Variants in PRKCG observed in about 807,000 individuals in gnomAD.
The protein encoded by PRKCG is protein kinase C gamma, also known as protein kinase C gamma type.
PRKCG carries 28 observed loss-of-function variants against 82.0 expected under a neutral mutation model. The ratio of observed to expected loss-of-function variants is 0.34; its 90% CI spans 0.25 to 0.47. The LOEUF (loss-of-function observed/expected upper bound fraction) is 0.47, where lower values mean the gene tolerates loss of function less well. Among genes scored for constraint, PRKCG ranks in the 20% least tolerant of loss-of-function variants. The pLI is 1.00. For synonymous variants in PRKCG, 383 were observed against 376.6 expected, an observed-to-expected ratio of 1.02 and a Z score of -0.20; for missense variants, 640 against 952.7, an observed-to-expected ratio of 0.67 and a Z score of 4.32.
Position 53,892,794 on chromosome 19 carries a change from A to C in PRKCG, c.821+151A>C. ...CACACACACACACGCACACACACGC[A>C]CACACCCCTCTCTCTCTATTCTTCT... On this transcript the variant is annotated intron_variant, in intron 7 of 17. Transcript: ENST00000263431. The surrounding 1 kb of genome is among the most constrained non-coding windows in gnomAD (Gnocchi z 5.9). The C allele has an allele frequency of 8.6e-7, 1 of 1,156,212 alleles. No individual in the cohort carries two copies. Among genetic ancestry groups the C allele is most frequent in the Non-Finnish European group, 1.2e-6 (1 of 814,290 alleles). The allele number at this position is 1,156,212 out of a possible 1,614,324, so 71.6% of individuals were successfully genotyped here.
In PRKCG at chr19:53,889,688, C is replaced by T. The variant is rs747980606; in HGVS notation, c.336C>T (p.Thr112=). ...GCCTGCATAGCTACAGCAGCCCCAC[C>T]TTCTGCGACCACTGTGGCTCCCTCC... is the stretch of plus-strand genomic sequence containing the variant. The part of the protein sequence containing the change: ...KFRLHSYSSP[T]FCDHCGSLLY... The change falls in exon 4 of 18, where the codon ACC becomes ACT. Residue 112 remains threonine (T), a synonymous_variant. Coordinates refer to ENST00000263431, the MANE Select transcript of PRKCG (RefSeq NM_002739.5). The surrounding 1 kb of genome is among the most constrained non-coding windows in gnomAD (Gnocchi z 4.4). 6.2e-7 allele frequency: 1 copy of T among 1,614,224 alleles called. No homozygotes were observed. The highest frequency in any genetic ancestry group is 8.5e-7 in the Non-Finnish European group (1 of 1,180,046).
In PRKCG at chr19:53,884,412, G is replaced by A. The variant is rs1490468487; in HGVS notation, c.285+169G>A. The stretch of plus-strand genomic sequence containing the variant: ...TCCTTGCCCTTGGCCTGGAAAGGGG[G>A]AATGCGAGGGGGACTGACAGGCTGG... On this transcript the variant is annotated intron_variant, in intron 3 of 17. Coordinates refer to ENST00000263431, the MANE Select transcript of PRKCG (RefSeq NM_002739.5). The surrounding 1 kb of genome is among the most constrained non-coding windows in gnomAD (Gnocchi z 4.6). Among the ~76,000 whole-genome samples, 2 of 152,066 alleles carry A rather than the reference G, an allele frequency of 1.3e-5. No individual in the cohort carries two copies. Among genetic ancestry groups the A allele is most frequent in the East Asian group, 1.9e-4 (1 of 5,188 alleles).
rs769675497 is a variant in PRKCG at position 53,900,409 on chromosome 19, C to T, written c.1374-10C>T. Reference sequence around the variant, plus strand: ...GACCTTCTGACGTCCCCACCCACCCCGTCCTCCAGGTTCTACGCGGCAGAA... The same window carrying T: ...GACCTTCTGACGTCCCCACCCACCCTGTCCTCCAGGTTCTACGCGGCAGAA... On this transcript the variant is annotated splice_polypyrimidine_tract_variant and intron_variant, in intron 12 of 17. Transcript: ENST00000263431. This position sits in a 1 kb window ranked among gnomAD's most constrained non-coding sequence, Gnocchi z 4.2. 8.1e-6 allele frequency: 13 copies of T among 1,614,144 alleles called. No homozygotes were observed. The highest frequency in any genetic ancestry group is 1.1e-5 in the Non-Finnish European group (13 of 1,180,032).
In PRKCG at chr19:53,883,325, G is replaced by A; in HGVS notation, c.202+131G>A. On this transcript the variant is annotated intron_variant, in intron 2 of 17. Coordinates refer to ENST00000263431, the MANE Select transcript of PRKCG (RefSeq NM_002739.5). This position sits in a 1 kb window ranked among gnomAD's most constrained non-coding sequence, Gnocchi z 5.4. ...CGGGGGAGCCCGGGGCGGGGGGTGT[G>A]GCAGAGACACAGCCTGTGGTGGGGA... 1 of 1,137,024 alleles carries A rather than the reference G, an allele frequency of 8.8e-7. No homozygotes were observed. The highest frequency in any genetic ancestry group is 1.9e-5 in the Admixed American group (1 of 53,056). 70.4% of individuals were successfully genotyped at this position (1,137,024 alleles called of 1,614,324 possible).
chr19:53,893,469 C>T, intron 9 of PRKCG, 78 bp downstream of exon 9: 2 of 1,437,140 alleles, frequency 1.4e-6, no homozygotes, highest in African/African-American at 1.4e-5. Flanking sequence ...TGACTTCTGT[C>T]TTCAATTCCC....
At chr19:53,896,363 CAG>C (rs2068717758) in intron 9 of PRKCG, among the ~76,000 whole-genome samples, 2 of 145,974 alleles carry the variant, frequency 1.4e-5, no homozygotes, top group South Asian at 4.4e-4. Flanking sequence ...ACACAGCAAA[CAG>C]AAACAGCCCT....
chr19:53,900,227 C>A lies in PRKCG; in HGVS notation c.1282-6C>A, dbSNP rs375578686. The A allele has an allele frequency of 6.2e-7, 1 of 1,613,594 alleles. No homozygotes were observed. The highest frequency in any genetic ancestry group is 1.3e-5 in the African/African-American group (1 of 74,894). ...CCCGCCTCTAAGCCCATGCACTTCT[C>A]CGCAGGACCGCCTGTATTTCGTGAT... On this transcript the variant is annotated splice_polypyrimidine_tract_variant and splice_region_variant and intron_variant, in intron 11 of 17. Transcript: ENST00000263431. This position sits in a 1 kb window ranked among gnomAD's most constrained non-coding sequence, Gnocchi z 4.2.
intron 17 of PRKCG, 27 bp downstream of exon 17, chr19:53,906,484 C>T (rs1204906500): frequency 6.4e-7 from 1 of 1,570,210 alleles, no homozygotes. Flanking sequence ...GCAACAAAAA[C>T]CTGGTCCCTG....
intron 9 of PRKCG, among the ~76,000 whole-genome samples, chr19:53,895,412 C>T (rs572409894): frequency 9.8e-4 from 144 of 146,428 alleles, no homozygotes; most frequent in African/African-American, 3.4e-3. Context: ...TGCTGGATTC[C>T]GGGAAGTAGA....
At position 53,884,062 on chromosome 19, in the gene PRKCG, G is replaced by A. The variant is rs987411106; in HGVS notation, c.203-99G>A. The A allele has an allele frequency of 8.4e-6, 10 of 1,185,890 alleles. No homozygotes were observed. Among genetic ancestry groups the A allele is most frequent in the East Asian group, 4.7e-5 (2 of 42,612 alleles). 73.5% of individuals were successfully genotyped at this position (1,185,890 alleles called of 1,614,324 possible). A position where few individuals can be genotyped will look rare whatever the true frequency, so the allele number is the denominator to read the frequency against. ...TCCCTCTCTTTCTGGTTTTCTCAGT[G>A]TCCGAGTTCCGCTCTCTCTTTCCAA... is the stretch of plus-strand genomic sequence containing the variant. On this transcript the variant is annotated intron_variant, in intron 2 of 17. Coordinates refer to ENST00000263431, the MANE Select transcript of PRKCG (RefSeq NM_002739.5). The surrounding 1 kb of genome is among the most constrained non-coding windows in gnomAD (Gnocchi z 4.6).
chr19:53,897,794 G>A (rs1334352764), intron 9 of PRKCG, among the ~76,000 whole-genome samples, 165 bp from the exon 10 acceptor site: 3 of 152,130 alleles, frequency 2.0e-5, no homozygotes, highest in African/African-American at 7.2e-5. Flanking sequence ...CAGGCTATGG[G>A]GAGTCAGAGA....
chr19:53,883,215 C>T lies in PRKCG; in HGVS notation c.202+21C>T. On this transcript the variant is annotated intron_variant, in intron 2 of 17. Transcript: ENST00000263431. This position sits in a 1 kb window ranked among gnomAD's most constrained non-coding sequence, Gnocchi z 5.4. ...TCAAGGTAAGAGCTGGGGACCGGGG[C>T]TCCTGGGACCCTCAGGAGGGTGGAG... The T allele has an allele frequency of 1.2e-6, 2 of 1,613,720 alleles. No individual in the cohort carries two copies. The highest frequency in any genetic ancestry group is 1.7e-6 in the Non-Finnish European group (2 of 1,179,880).
chr19:53,885,737 C>T (rs1426500099), intron 3 of PRKCG, among the ~76,000 whole-genome samples: 1 of 152,040 alleles, frequency 6.6e-6, no homozygotes, highest in Non-Finnish European at 1.5e-5. Context: ...AGGCGTTTTA[C>T]CACCCTCTCA....
rs2068817146 is a variant in PRKCG, at chr19:53,906,889, C to T, written c.2088C>T (p.Val696=). ...RSPTSPVPVP[V]M ...CCACCAGCCCAGTGCCTGTGCCCGT[C>T]ATGTAATCTCACCCGCCGCCACTAG... The change falls in exon 18 of 18, where the codon GTC becomes GTT. Residue 696 remains valine, a synonymous_variant. Coordinates refer to ENST00000263431, the MANE Select transcript of PRKCG (RefSeq NM_002739.5). The T allele has an allele frequency of 1.2e-6, 2 of 1,613,230 alleles. No individual in the cohort carries two copies. The highest frequency in any genetic ancestry group is 2.7e-5 in the African/African-American group (2 of 74,906).
Position 53,892,747 on chromosome 19 carries a change from C to G in PRKCG, c.821+104C>G, listed in dbSNP as rs1457867237. ...CACTGTCCTTCCCTCTGCCTCCCAG[C>G]ATGCGCACACACACACACACACACA... On this transcript the variant is annotated intron_variant, in intron 7 of 17. Coordinates refer to ENST00000263431, the MANE Select transcript of PRKCG (RefSeq NM_002739.5). The surrounding 1 kb of genome is among the most constrained non-coding windows in gnomAD (Gnocchi z 5.9). 4 of 1,337,500 alleles carry G rather than the reference C, an allele frequency of 3.0e-6. No individual in the cohort carries two copies. The East Asian group carries it at 7.5e-5, about 25-fold the overall frequency. The allele number at this position is 1,337,500 out of a possible 1,614,324, so 82.9% of individuals were successfully genotyped here.
chr19:53,883,703 G>C lies in PRKCG; in HGVS notation c.203-458G>C, dbSNP rs543380206. On this transcript the variant is annotated intron_variant, in intron 2 of 17. Transcript: ENST00000263431. The surrounding 1 kb of genome is among the most constrained non-coding windows in gnomAD (Gnocchi z 5.4). ...TGCTGAGAACAGAGTGAGTCAGGGT[G>C]GGGGGCGGGCCGGCAGCAGCGCCCC... Among the ~76,000 whole-genome samples, 3 of 145,128 alleles carry C rather than the reference G, an allele frequency of 2.1e-5. No homozygotes were observed. The highest frequency in any genetic ancestry group is 5.0e-5 in the African/African-American group (2 of 40,074).
Position 53,893,407 on chromosome 19 carries a change from G to A in PRKCG, c.939+16G>A. The A allele has an allele frequency of 6.2e-7, 1 of 1,612,074 alleles. No homozygotes were observed. Among genetic ancestry groups the A allele is most frequent in the Non-Finnish European group, 8.5e-7 (1 of 1,178,112 alleles). ...ATTGTATGAGGTGAGTAGAACCAGG[G>A]CGTTGAATGGAGGCAGTTTTTGCCT... On this transcript the variant is annotated intron_variant, in intron 9 of 17. Coordinates refer to ENST00000263431, the MANE Select transcript of PRKCG (RefSeq NM_002739.5).
chr19:53,891,753 C>A lies in PRKCG; in HGVS notation c.609C>A (p.Asp203Glu). ...ATGTGAAACTGAAGCTCATCCCAGA[C>A]CCTCGGAACCTGACGAAACAGAAGA... ...DPYVKLKLIP[D>E]PRNLTKQKTR... The change falls in exon 6 of 18, where the codon GAC becomes GAA. Residue 203 changes from aspartate to glutamate, a missense_variant. Asp to Glu is a conservative substitution (Grantham distance 45). Transcript: ENST00000263431. 6.2e-7 allele frequency: 1 copy of A among 1,614,174 alleles called. No homozygotes were observed. The highest frequency in any genetic ancestry group is 2.2e-5 in the East Asian group (1 of 44,880).
intron 11 of PRKCG, among the ~76,000 whole-genome samples, chr19:53,898,869 G>C (rs1435012618): frequency 7.6e-6 from 1 of 131,542 alleles, no homozygotes; most frequent in Non-Finnish European, 1.6e-5. Flanking sequence ...AGGCGAGGCC[G>C]GGTGGAGGGG....
Sources: allele counts gnomAD v4.1 joint callset (sites outside exome capture counted in the v4.1 genomes callset), GRCh38; gene constraint gnomAD v4.1.1; non-coding constraint Gnocchi (gnomAD v3.1); transcripts MANE v1.5; gene names NCBI Gene and HGNC (gene_info 2026-07-23, HGNC 2026-07-21).